ARHGEF33: variants seen among roughly 807,000 people sequenced by gnomAD.
ARHGEF33 encodes the protein Rho guanine nucleotide exchange factor 33.
In ARHGEF33, 72 loss-of-function variants were observed where a neutral mutation model predicts 101.9. The ratio of observed to expected loss-of-function variants is 0.71; its 90% confidence interval spans 0.58 to 0.86. The LOEUF is 0.86. Ranked by LOEUF, ARHGEF33 falls within the 40% of genes least tolerant of loss-of-function variation. The pLI is 0.00. For missense variants in ARHGEF33, 1,169 were observed against 1,111.3 expected (o/e 1.05, Z -0.74); for synonymous variants, 499 against 442.5 (o/e 1.13, Z -1.60).
At chr2:38,891,132 T>C (rs1319762910) in intron 1 of ARHGEF33, among the ~76,000 whole-genome samples, 1 of 151,934 alleles carries the variant, frequency 6.6e-6, no homozygotes, top group African/African-American at 2.4e-5. Flanking sequence ...TGGGGTTTCG[T>C]CATGTTGCTC....
In ARHGEF33 at chr2:38,969,982, G is replaced by A. The variant is rs150607466; in HGVS notation, c.2484-3732G>A. On this transcript the variant is annotated intron_variant, in intron 17 of 17. Transcript: ENST00000409978. ...ATCTTGCAACACTTAATGTTAACGC[G>A]TATTCTTGATGGCAGATGTGGCAGT... Among the ~76,000 whole-genome samples, 46 of 152,292 alleles carry A rather than the reference G, an allele frequency of 3.0e-4. 1 individual carries two copies. The highest frequency in any genetic ancestry group is 9.6e-4 in the African/African-American group (40 of 41,560).
intron 10 of ARHGEF33, among the ~76,000 whole-genome samples, chr2:38,949,361 C>G (rs1158609485): frequency 6.6e-6 from 1 of 152,136 alleles, no homozygotes; most frequent in African/African-American, 2.4e-5. Flanking sequence ...AGTTAGAGCT[C>G]CAATCCTTGC....
rs146912726 is a variant in ARHGEF33 at position 38,912,967 on chromosome 2, G to C, written c.-85-6396G>C. 7.8e-3 allele frequency among the ~76,000 whole-genome samples: 1,189 copies of C among 151,484 alleles called. 19 individuals carry two copies. The highest frequency in any genetic ancestry group is 0.027 in the African/African-American group (1,113 of 41,374). On this transcript the variant is annotated intron_variant, in intron 2 of 17. Transcript: ENST00000409978. Reference sequence around the variant, plus strand: ...TGTTTGGCATATAGCAGCTGTTCAAGAAAAGTTCATTCTGTCTCCACCATT... The same window carrying C: ...TGTTTGGCATATAGCAGCTGTTCAACAAAAGTTCATTCTGTCTCCACCATT...
chr2:38,955,564 A>G (rs1220359530), intron 13 of ARHGEF33, among the ~76,000 whole-genome samples: 2 of 117,868 alleles, frequency 1.7e-5, no homozygotes, highest in East Asian at 5.6e-4. Context: ...TCTTGGCTTG[A>G]TCTTGGCTCA....
At chr2:38,958,293 C>T in intron 15 of ARHGEF33, 95 bp downstream of exon 15, 1 of 1,454,898 alleles carries the variant, frequency 6.9e-7, no homozygotes, top group Non-Finnish European at 9.2e-7. Context: ...TCCTCCATCC[C>T]CTTTCCCCAT....
intron 16 of ARHGEF33, 66 bp from the exon 17 acceptor site, chr2:38,965,940 C>A (rs1000276254): frequency 1.3e-6 from 2 of 1,526,524 alleles, no homozygotes; most frequent in Non-Finnish European, 1.8e-6. Flanking sequence ...CAAAATTGTC[C>A]CATAGTCAGG....
At chr2:38,910,781 G>A (rs1666492347) in intron 2 of ARHGEF33, among the ~76,000 whole-genome samples, 1 of 152,012 alleles carries the variant, frequency 6.6e-6, no homozygotes, top group Non-Finnish European at 1.5e-5. Context: ...ACCAGTTTAC[G>A]CAGATGGCTA....
At chr2:38,925,666 G>A (rs1666854484) in intron 4 of ARHGEF33, among the ~76,000 whole-genome samples, 1 of 152,226 alleles carries the variant, frequency 6.6e-6, no homozygotes, top group Non-Finnish European at 1.5e-5. Context: ...TGCTTCTTCA[G>A]TGACCCTGGT....
intron 7 of ARHGEF33, among the ~76,000 whole-genome samples, chr2:38,935,379 G>A (rs1378481076): frequency 2.0e-5 from 3 of 151,050 alleles, no homozygotes; most frequent in Non-Finnish European, 4.4e-5. Context: ...AGGGGGTGGG[G>A]GGTAGAGATG....
intron 13 of ARHGEF33, 42 bp from the exon 14 acceptor site, chr2:38,956,857 A>C (rs1381129671): frequency 6.5e-6 from 10 of 1,544,302 alleles, no homozygotes; most frequent in South Asian, 1.2e-5. Flanking sequence ...ACAAATTTTC[A>C]TGCTGATTAT....
At chr2:38,945,651 C>G (rs1196256115) in intron 10 of ARHGEF33, among the ~76,000 whole-genome samples, 2 of 152,234 alleles carry the variant, frequency 1.3e-5, no homozygotes, top group African/African-American at 4.8e-5. Context: ...AATCTAAAGG[C>G]GGTGTACCCT....
rs1230108568 is a variant in ARHGEF33, at chr2:38,929,817, A to C, written c.349A>C (p.Lys117Gln). ...LQQEKRRESR[K>Q]VKAKKTQKEE... ...ACAGGAGAAGCGAAGAGAATCTCGA[A>C]AAGTTAAAGCCAAGTGAGTGTCTTT... is the stretch of plus-strand genomic sequence containing the variant. The change falls in exon 6 of 18, where the codon AAA becomes CAA. Residue 117 changes from lysine to glutamine, a missense_variant. Lys to Gln is a moderately conservative substitution (Grantham distance 53). Coordinates refer to ENST00000409978, the MANE Select transcript of ARHGEF33 (RefSeq NM_001145451.5). The C allele has an allele frequency of 1.9e-6, 3 of 1,551,376 alleles. No individual in the cohort carries two copies. Among genetic ancestry groups the C allele is most frequent in the Non-Finnish European group, 2.6e-6 (3 of 1,146,840 alleles).
chr2:38,931,143 G>A lies in ARHGEF33; in HGVS notation c.397G>A (p.Gly133Arg), dbSNP rs1389180121. The change falls in exon 7 of 18, where the codon GGG becomes AGG. Residue 133 changes from glycine to arginine, a missense_variant. Transcript: ENST00000409978. ...TQKEEHSSQA[G>R]PAQAQGSPFR... ...AAAAGAAGAGCACAGCTCACAGGCCGGGCCTGCCCAAGCACAAGGAAGTCC... is the reference window on the plus strand; with the variant it reads ...AAAAGAAGAGCACAGCTCACAGGCCAGGCCTGCCCAAGCACAAGGAAGTCC... 2.4e-5 allele frequency: 38 copies of A among 1,551,318 alleles called. No individual in the cohort carries two copies. Among genetic ancestry groups the A allele is most frequent in the South Asian group, 6.0e-5 (5 of 84,018 alleles).
intron 4 of ARHGEF33, among the ~76,000 whole-genome samples, chr2:38,923,938 A>G (rs1203669603): frequency 1.3e-5 from 2 of 152,248 alleles, no homozygotes; most frequent in African/African-American, 4.8e-5. Context: ...AGAAATCACA[A>G]AGAAAGAGAT....
chr2:38,896,805 G>C (rs918876310), intron 2 of ARHGEF33, among the ~76,000 whole-genome samples: 1 of 152,186 alleles, frequency 6.6e-6, no homozygotes, highest in Admixed American at 6.5e-5. Flanking sequence ...GTTTAAGTGA[G>C]ATTTAAAAGC....
intron 13 of ARHGEF33, among the ~76,000 whole-genome samples, chr2:38,955,644 C>T (rs1267787062): frequency 2.6e-5 from 4 of 151,182 alleles, no homozygotes; most frequent in Admixed American, 6.6e-5. Flanking sequence ...AGACTACAGG[C>T]ACTTGCCACC....
At chr2:38,928,342 C>T (rs774147188) in intron 4 of ARHGEF33, among the ~76,000 whole-genome samples, 1 of 152,090 alleles carries the variant, frequency 6.6e-6, no homozygotes, top group African/African-American at 2.4e-5. Flanking sequence ...TAAAGCCCAC[C>T]GTCATTGAAA....
At chr2:38,909,802 A>C (rs1482535876) in intron 2 of ARHGEF33, among the ~76,000 whole-genome samples, 1 of 149,602 alleles carries the variant, frequency 6.7e-6, no homozygotes, top group African/African-American at 2.5e-5. Flanking sequence ...TATTGTGAGA[A>C]TTGTCTTATC....
intron 11 of ARHGEF33, among the ~76,000 whole-genome samples, chr2:38,951,711 A>G (rs1433315429): frequency 6.6e-6 from 1 of 152,108 alleles, no homozygotes; most frequent in African/African-American, 2.4e-5. Flanking sequence ...ACAAATATAT[A>G]TATACACACA....
Sources: allele counts gnomAD v4.1 joint callset (sites outside exome capture counted in the v4.1 genomes callset), GRCh38; gene constraint gnomAD v4.1.1; transcripts MANE v1.5; gene names NCBI Gene and HGNC (gene_info 2026-07-23, HGNC 2026-07-21).